FARS2: variants seen among roughly 807,000 people sequenced by gnomAD.
The protein encoded by FARS2 is phenylalanine--tRNA ligase, mitochondrial.
Under a neutral mutation model 46.4 loss-of-function variants are expected in FARS2, and 40 were observed. The ratio of observed to expected loss-of-function variants is 0.86; its 90% confidence interval spans 0.67 to 1.12. The LOEUF (loss-of-function observed/expected upper bound fraction) is 1.12. Ranked by LOEUF, FARS2 falls within the 50% of genes most tolerant of loss-of-function variation. FARS2 has a pLI of 0.00. For synonymous variants in FARS2, 234 were observed against 214.9 expected (o/e 1.09, Z -0.78); for missense variants, 513 against 567.9 (o/e 0.90, Z 0.98).
chr6:5,511,592 A>G (rs1768456413), intron 4 of FARS2, among the ~76,000 whole-genome samples: 1 of 152,340 alleles, frequency 6.6e-6, no homozygotes, highest in South Asian at 2.1e-4. Flanking sequence ...AAAACCAAAG[A>G]GAAAAACAGA....
intron 2 of FARS2, among the ~76,000 whole-genome samples, chr6:5,399,376 A>G (rs1325052471): frequency 6.6e-6 from 1 of 151,936 alleles, no homozygotes; most frequent in Non-Finnish European, 1.5e-5. Context: ...GTGTTTCACC[A>G]TGTTGGCCAG....
rs956658846 is a variant in FARS2, at chr6:5,345,212, G to T, written c.-21-23338G>T. On this transcript the variant is annotated intron_variant, in intron 1 of 6. Coordinates refer to ENST00000274680, the MANE Select transcript of FARS2 (RefSeq NM_006567.5). ...AATAATAGTATAATAAAAAAAAAAC[G>T]CCATTATAATTATTTTTATTATGCG... Among the ~76,000 whole-genome samples, 5 of 150,888 alleles carry T rather than the reference G, an allele frequency of 3.3e-5. No homozygotes were observed. In the South Asian group the frequency reaches 8.5e-4, roughly 26 times the overall value.
the FARS2 span, among the ~76,000 whole-genome samples, chr6:5,250,778 C>A: frequency 6.6e-6 from 1 of 152,144 alleles, no homozygotes; most frequent in African/African-American, 2.4e-5. Flanking sequence ...GTCTTTTTCT[C>A]TTTTAATTTT....
chr6:5,759,708 G>C (rs528469063), intron 6 of FARS2, among the ~76,000 whole-genome samples: 1 of 152,272 alleles, frequency 6.6e-6, no homozygotes, highest in South Asian at 2.1e-4. Flanking sequence ...TCATGGAGGA[G>C]AAGGACTGGA....
At chr6:5,605,468 C>T (rs952007406) in intron 5 of FARS2, among the ~76,000 whole-genome samples, 1 of 152,202 alleles carries the variant, frequency 6.6e-6, no homozygotes, top group Non-Finnish European at 1.5e-5. Flanking sequence ...GAGCTAAGCA[C>T]CCCATGTCAT....
chr6:5,605,117 T>C (rs184251325), intron 5 of FARS2, among the ~76,000 whole-genome samples: 63 of 152,196 alleles, frequency 4.1e-4, no homozygotes, highest in African/African-American at 1.4e-3. Flanking sequence ...GATCAAAATC[T>C]AAAAAGCGAA....
intron 5 of FARS2, among the ~76,000 whole-genome samples, chr6:5,595,847 G>C (rs756203994): frequency 6.6e-6 from 1 of 152,120 alleles, no homozygotes; most frequent in Non-Finnish European, 1.5e-5. Flanking sequence ...TGGGAGATTG[G>C]GCGATTGAGG....
intron 6 of FARS2, among the ~76,000 whole-genome samples, chr6:5,726,545 G>T (rs760301880): frequency 6.6e-6 from 1 of 152,176 alleles, no homozygotes; most frequent in East Asian, 1.9e-4. Context: ...GATGGGCAGC[G>T]CAGGAGCACA....
chr6:5,481,445 C>T (rs992895149), intron 4 of FARS2, among the ~76,000 whole-genome samples: 11 of 152,284 alleles, frequency 7.2e-5, no homozygotes, highest in African/African-American at 1.9e-4. Context: ...GTAATTACTA[C>T]CACAGTTTCT....
At chr6:5,272,226 T>C (rs1346090622) in intron 1 of FARS2, among the ~76,000 whole-genome samples, 1 of 152,148 alleles carries the variant, frequency 6.6e-6, no homozygotes, top group Non-Finnish European at 1.5e-5. Flanking sequence ...ACAGGGTGAG[T>C]GCAGTGGGAT....
rs1055670009 is a variant in FARS2 at position 5,471,068 on chromosome 6, G to C, written c.904+39896G>C. Among the ~76,000 whole-genome samples the C allele has an allele frequency of 6.6e-6, 1 of 152,156 alleles. No homozygotes were observed. The highest frequency in any genetic ancestry group is 2.4e-5 in the African/African-American group (1 of 41,428). ...ATCAGAAAAGGCTTTCTAAGCTAGA[G>C]TGTGAGAGTTACATGTTAACAATAA... On this transcript the variant is annotated intron_variant, in intron 4 of 6. Coordinates refer to ENST00000274680, the MANE Select transcript of FARS2 (RefSeq NM_006567.5). This position sits in a 1 kb window ranked among gnomAD's most constrained non-coding sequence, Gnocchi z 4.1.
intron 3 of FARS2, among the ~76,000 whole-genome samples, chr6:5,428,223 G>T (rs1762956575): frequency 6.6e-6 from 1 of 152,176 alleles, no homozygotes; most frequent in African/African-American, 2.4e-5. Context: ...GGACTAGGGA[G>T]AACCTAAGAT....
intron 4 of FARS2, among the ~76,000 whole-genome samples, chr6:5,481,058 C>T (rs1766425009): frequency 1.3e-5 from 2 of 152,352 alleles, no homozygotes; most frequent in East Asian, 1.9e-4. Flanking sequence ...ACAGTGTTCA[C>T]TGGCAGCAGG....
chr6:5,321,103 C>T (rs944661661), intron 1 of FARS2, among the ~76,000 whole-genome samples: 14 of 152,118 alleles, frequency 9.2e-5, no homozygotes, highest in African/African-American at 2.9e-4. Flanking sequence ...TCTTAGACAT[C>T]GAAGCAATAA....
At chr6:5,586,616 A>T (rs1036526654) in intron 5 of FARS2, among the ~76,000 whole-genome samples, 6 of 152,130 alleles carry the variant, frequency 3.9e-5, no homozygotes, top group African/African-American at 1.4e-4. Context: ...GGATTTTTGC[A>T]TCCATGTTCA....
At chr6:5,370,729 T>C (rs1759004628) in intron 2 of FARS2, among the ~76,000 whole-genome samples, 1 of 152,180 alleles carries the variant, frequency 6.6e-6, no homozygotes. Context: ...CCACAGAAGA[T>C]GGGAAATAGG....
intron 4 of FARS2, chr6:5,452,514 T>G (rs1764556963): frequency 6.6e-6 from 1 of 152,260 alleles, no homozygotes; most frequent in African/African-American, 2.4e-5. Context: ...GTCCTCATGC[T>G]CATTTTTCAA....
chr6:5,553,776 G>A (rs1771500553), intron 5 of FARS2, among the ~76,000 whole-genome samples: 1 of 152,138 alleles, frequency 6.6e-6, no homozygotes, highest in African/African-American at 2.4e-5. Flanking sequence ...CTAATTCAGT[G>A]GGTCTGGGGG....
In FARS2 at chr6:5,471,195, C is replaced by T. The variant is rs1301664551; in HGVS notation, c.904+40023C>T. On this transcript the variant is annotated intron_variant, in intron 4 of 6. Transcript: ENST00000274680. This position sits in a 1 kb window ranked among gnomAD's most constrained non-coding sequence, Gnocchi z 4.1. The stretch of plus-strand genomic sequence containing the variant: ...TCATAATAGTGGAGCCTGCACCAAA[C>T]GTCTTTCATTTGAGGAGCTAAAAAT... Among the ~76,000 whole-genome samples the T allele has an allele frequency of 6.6e-6, 1 of 152,180 alleles. No individual in the cohort carries two copies. Among genetic ancestry groups the T allele is most frequent in the African/African-American group, 2.4e-5 (1 of 41,444 alleles).
Sources: gnomAD v4.1 joint callset for allele counts (sites outside exome capture counted in the v4.1 genomes callset) on GRCh38, gnomAD v4.1.1 for gene constraint, Gnocchi (gnomAD v3.1) non-coding constraint, MANE v1.5 for transcripts, NCBI Gene and HGNC (gene_info 2026-07-23, HGNC 2026-07-21) for gene names.